Variants in GNAQ observed in about 807,000 individuals in gnomAD.
GNAQ encodes the protein guanine nucleotide-binding protein G(q) subunit alpha.
Under a neutral mutation model 43.9 loss-of-function variants are expected in GNAQ, and 8 were observed. The observed-to-expected ratio is 0.18, with a 90% CI of 0.11 to 0.33. The LOEUF (loss-of-function observed/expected upper bound fraction) is 0.33. Among genes scored for constraint, GNAQ ranks in the 10% least tolerant of loss-of-function variants. GNAQ has a pLI of 1.00. For missense variants in GNAQ, 158 were observed against 450.8 expected, an observed-to-expected ratio of 0.35 and a Z score of 5.88; for synonymous variants, 155 against 170.7, an observed-to-expected ratio of 0.91 and a Z score of 0.71.
At chr9:77,981,310 AAG>A (rs1278859762) in intron 1 of GNAQ, among the ~76,000 whole-genome samples, 1 of 152,256 alleles carries the variant, frequency 6.6e-6, no homozygotes, top group African/African-American at 2.4e-5. Context: ...TCATCAAAAA[AAG>A]AGAGGAAAAA....
At chr9:77,787,698 C>T (rs933849849) in intron 5 of GNAQ, among the ~76,000 whole-genome samples, 1 of 151,966 alleles carries the variant, frequency 6.6e-6, no homozygotes, top group African/African-American at 2.4e-5. Context: ...GAAATATAAC[C>T]AATAAAAGAA....
intron 1 of GNAQ, among the ~76,000 whole-genome samples, chr9:77,934,382 T>C (rs1183859193): frequency 6.6e-6 from 1 of 152,188 alleles, no homozygotes; most frequent in East Asian, 1.9e-4. Flanking sequence ...ATAAGTTGAC[T>C]AAAAACTACA....
At chr9:77,780,331 G>GT (rs1335903940) in intron 5 of GNAQ, among the ~76,000 whole-genome samples, 5 of 151,020 alleles carry the variant, frequency 3.3e-5, no homozygotes, top group South Asian at 4.2e-4. Flanking sequence ...GAGATCTACA[G>GT]TTTTTTTTCA....
At chr9:77,854,707 C>G (rs1440473849) in intron 2 of GNAQ, among the ~76,000 whole-genome samples, 2 of 152,194 alleles carry the variant, frequency 1.3e-5, no homozygotes, top group Non-Finnish European at 2.9e-5. Flanking sequence ...ACCAGCACAA[C>G]CACAAAGTTC....
At chr9:77,815,188 T>C (rs1316251902) in intron 3 of GNAQ, among the ~76,000 whole-genome samples, 1 of 152,230 alleles carries the variant, frequency 6.6e-6, no homozygotes, top group Non-Finnish European at 1.5e-5. Context: ...TAAGAAGCCA[T>C]AATCAAACAT....
intron 2 of GNAQ, among the ~76,000 whole-genome samples, chr9:77,883,121 T>G (rs1245301144): frequency 6.6e-6 from 1 of 152,188 alleles, no homozygotes; most frequent in East Asian, 1.9e-4. Context: ...GGGAAAAACA[T>G]AGTCGCTGGA....
intron 1 of GNAQ, among the ~76,000 whole-genome samples, chr9:77,966,058 G>A (rs899124043): frequency 1.2e-4 from 19 of 152,026 alleles, no homozygotes; most frequent in South Asian, 4.1e-4. Context: ...ATGACTGAGT[G>A]GAAAAAGGCA....
intron 5 of GNAQ, among the ~76,000 whole-genome samples, chr9:77,760,710 CTGGAAAG>C (rs1825987593): frequency 6.6e-6 from 1 of 151,882 alleles, no homozygotes; most frequent in Non-Finnish European, 1.5e-5. Flanking sequence ...GCTGCCCAGT[CTGGAAAG>C]TGAGGAGCGT....
At chr9:77,952,562 A>G (rs1209084725) in intron 1 of GNAQ, among the ~76,000 whole-genome samples, 1 of 152,238 alleles carries the variant, frequency 6.6e-6, no homozygotes, top group Non-Finnish European at 1.5e-5. Flanking sequence ...TTGCCTTAGA[A>G]CAGTTAAGAA....
chr9:77,961,661 C>G (rs1393914891), intron 1 of GNAQ, among the ~76,000 whole-genome samples: 8 of 152,056 alleles, frequency 5.3e-5, no homozygotes, highest in Admixed American at 5.2e-4. Flanking sequence ...CTAAACTTAC[C>G]CTAACAAAGC....
At chr9:77,890,741 C>G (rs890653690) in intron 2 of GNAQ, among the ~76,000 whole-genome samples, 8 of 152,130 alleles carry the variant, frequency 5.3e-5, no homozygotes, top group African/African-American at 1.9e-4. Flanking sequence ...AACAGCATAG[C>G]TCTAGTAACA....
chr9:77,751,587 G>A (rs752450383), intron 5 of GNAQ, among the ~76,000 whole-genome samples: 1 of 152,168 alleles, frequency 6.6e-6, no homozygotes, highest in Non-Finnish European at 1.5e-5. Flanking sequence ...TAGGTGGGCT[G>A]GGGATGGACA....
At chr9:77,808,500 A>G (rs1431233216) in intron 3 of GNAQ, among the ~76,000 whole-genome samples, 1 of 151,798 alleles carries the variant, frequency 6.6e-6, no homozygotes. Flanking sequence ...AACATATGCA[A>G]GATCAATGTC....
In GNAQ at chr9:77,777,787, G is replaced by C. The variant is rs547470360; in HGVS notation, c.735+16676C>G. ...TGAGATACCATCTTATAACCACTAG[G>C]ATGGCTAAAATAAAAAAGAAAAACA... On this transcript the variant is annotated intron_variant, in intron 5 of 6. Transcript: ENST00000286548. 2.0e-5 allele frequency among the ~76,000 whole-genome samples: 3 copies of C among 150,498 alleles called. No individual in the cohort carries two copies. In the South Asian group the frequency reaches 6.2e-4, roughly 31 times the overall value.
chr9:77,831,515 C>A (rs541795844), intron 2 of GNAQ, among the ~76,000 whole-genome samples: 2 of 152,260 alleles, frequency 1.3e-5, no homozygotes, highest in Admixed American at 1.3e-4. Context: ...ATTGGTATGA[C>A]TGTATTTATA....
intron 5 of GNAQ, among the ~76,000 whole-genome samples, chr9:77,775,034 T>C (rs1474127834): frequency 6.6e-6 from 1 of 152,194 alleles, no homozygotes; most frequent in African/African-American, 2.4e-5. Flanking sequence ...AGATGCATGC[T>C]GTACGTGCTG....
chr9:78,002,001 A>G (rs1371835133), intron 1 of GNAQ, among the ~76,000 whole-genome samples: 2 of 152,240 alleles, frequency 1.3e-5, no homozygotes, highest in Non-Finnish European at 2.9e-5. Flanking sequence ...GGCATCATAA[A>G]GTAAAAAGGT....
chr9:77,746,632 C>T (rs1825734696), intron 5 of GNAQ, among the ~76,000 whole-genome samples: 2 of 152,072 alleles, frequency 1.3e-5, no homozygotes, highest in African/African-American at 2.4e-5. Context: ...AACGAAATTA[C>T]AGCTGCTCAT....
chr9:77,880,164 G>A (rs1828186508), intron 2 of GNAQ, among the ~76,000 whole-genome samples: 1 of 152,172 alleles, frequency 6.6e-6, no homozygotes, highest in Admixed American at 6.6e-5. Context: ...GGGACCTGCT[G>A]TGAGAAGCAG....
Sources: allele counts gnomAD v4.1 joint callset (sites outside exome capture counted in the v4.1 genomes callset), GRCh38; gene constraint gnomAD v4.1.1; transcripts MANE v1.5; gene names NCBI Gene and HGNC (gene_info 2026-07-23, HGNC 2026-07-21).